Variants in GRID2 observed in about 807,000 individuals in gnomAD.
The protein encoded by GRID2 is glutamate receptor ionotropic, delta-2.
A neutral mutation model predicts 114.8 loss-of-function variants in GRID2; 33 were observed. That is an observed-to-expected ratio of 0.29 (90% CI 0.22 to 0.38). The LOEUF (loss-of-function observed/expected upper bound fraction) is 0.38, where lower values mean the gene tolerates loss of function less well. Ranked by LOEUF, GRID2 falls within the 10% of genes least tolerant of loss-of-function variation. The pLI is 1.00. For synonymous variants in GRID2, 505 were observed against 449.9 expected, an observed-to-expected ratio of 1.12 and a Z score of -1.55; for missense variants, 1,184 against 1,257.7, an observed-to-expected ratio of 0.94 and a Z score of 0.89.
chr4:92,549,084 T>C (rs1406760763), intron 1 of GRID2, among the ~76,000 whole-genome samples: 1 of 132,468 alleles, frequency 7.5e-6, no homozygotes, highest in African/African-American at 2.9e-5. Flanking sequence ...GAACTAATGA[T>C]AGATGATGAT....
At chr4:93,243,342 G>A (rs140838995) in intron 8 of GRID2, among the ~76,000 whole-genome samples, 41 of 152,072 alleles carry the variant, frequency 2.7e-4, no homozygotes, top group African/African-American at 9.9e-4. Flanking sequence ...TGCTTTCAAA[G>A]ATACTTATGA....
At chr4:92,616,461 C>A (rs1196229787) in intron 2 of GRID2, among the ~76,000 whole-genome samples, 2 of 151,258 alleles carry the variant, frequency 1.3e-5, no homozygotes, top group Admixed American at 1.3e-4. Flanking sequence ...GGAATGGATG[C>A]CTTCAGGTTT....
At chr4:93,137,495 C>T (rs961899467) in intron 4 of GRID2, among the ~76,000 whole-genome samples, 3 of 152,024 alleles carry the variant, frequency 2.0e-5, no homozygotes, top group Non-Finnish European at 4.4e-5. Context: ...CTGTCAATAT[C>T]ATCTAAGCAG....
chr4:92,994,577 G>A (rs1755089190), intron 2 of GRID2, among the ~76,000 whole-genome samples: 1 of 152,048 alleles, frequency 6.6e-6, no homozygotes, highest in African/African-American at 2.4e-5. Flanking sequence ...GCCTGCCTCG[G>A]CCTCCCAAAG....
At chr4:92,446,312 C>T (rs1733469384) in intron 1 of GRID2, among the ~76,000 whole-genome samples, 2 of 152,168 alleles carry the variant, frequency 1.3e-5, no homozygotes, top group African/African-American at 4.8e-5. Flanking sequence ...GAGACCCTAA[C>T]AAATTGGAGT....
chr4:93,183,242 A>G (rs901930602), intron 4 of GRID2, among the ~76,000 whole-genome samples: 1 of 152,182 alleles, frequency 6.6e-6, no homozygotes, highest in Non-Finnish European at 1.5e-5. Context: ...AAATTTTTTA[A>G]AAAACTCTAA....
At chr4:93,768,272 G>A (rs143207233) in intron 14 of GRID2, among the ~76,000 whole-genome samples, 49 of 152,294 alleles carry the variant, frequency 3.2e-4, no homozygotes, top group Admixed American at 5.9e-4. Context: ...CCCAGAGGAC[G>A]ATGCACACTC....
At chr4:93,807,346 C>T (rs1735052907) in exon 2 of GRID2, 1 of 152,224 alleles carries the variant, frequency 6.6e-6, no homozygotes, top group Non-Finnish European at 1.5e-5. Context: ...ACAGACGGCT[C>T]TTCTAATGCT....
At chr4:93,242,633 T>C (rs1747676966) in intron 8 of GRID2, among the ~76,000 whole-genome samples, 1 of 151,958 alleles carries the variant, frequency 6.6e-6, no homozygotes, top group Non-Finnish European at 1.5e-5. Flanking sequence ...GGTTAGTGTG[T>C]GTTCAGCACA....
intron 2 of GRID2, among the ~76,000 whole-genome samples, chr4:92,990,198 CTGTGTGTGTGTGTGTGTGTGTGTG>C (rs3970985): frequency 1.4e-4 from 17 of 124,802 alleles, no homozygotes; most frequent in African/African-American, 3.1e-4. Context: ...TTAACATTTT[CTGTGTGTGTGTGTGTGTGTGTGTG>C]TGTGTGTGTG....
chr4:92,599,444 A>C (rs540527313), intron 2 of GRID2, among the ~76,000 whole-genome samples: 1 of 152,314 alleles, frequency 6.6e-6, no homozygotes, highest in Non-Finnish European at 1.5e-5. Flanking sequence ...ATCTGACATG[A>C]TTGTTTAAAA....
chr4:92,476,697 C>T (rs4380488), intron 1 of GRID2, among the ~76,000 whole-genome samples: 8 of 152,160 alleles, frequency 5.3e-5, no homozygotes, highest in Middle Eastern at 3.4e-3. Flanking sequence ...GTATGTTTTT[C>T]TAAATAACAT....
intron 1 of GRID2, among the ~76,000 whole-genome samples, chr4:92,331,085 T>C (rs749088515): frequency 2.0e-5 from 3 of 152,160 alleles, no homozygotes; most frequent in Non-Finnish European, 4.4e-5. Flanking sequence ...TCATAGGAGA[T>C]TGAGATGTAT....
chr4:93,742,492 T>C (rs1400730693), intron 14 of GRID2, among the ~76,000 whole-genome samples: 1 of 152,248 alleles, frequency 6.6e-6, no homozygotes, highest in African/African-American at 2.4e-5. Flanking sequence ...TGCTTTATTG[T>C]GTTTACAAAT....
chr4:92,790,122 G>T (rs1739508826), intron 2 of GRID2, among the ~76,000 whole-genome samples: 1 of 151,708 alleles, frequency 6.6e-6, no homozygotes, highest in Admixed American at 6.6e-5. Context: ...GCGTATGCGT[G>T]TATACATATA....
intron 2 of GRID2, among the ~76,000 whole-genome samples, chr4:92,984,113 A>C (rs192749379): frequency 3.9e-5 from 6 of 152,228 alleles, no homozygotes. Flanking sequence ...ATTTTTCATA[A>C]TGAACCAAAA....
chr4:93,264,926 G>T (rs1414204911), intron 8 of GRID2, among the ~76,000 whole-genome samples: 2 of 151,376 alleles, frequency 1.3e-5, no homozygotes, highest in African/African-American at 4.9e-5. Context: ...GGGACTACAG[G>T]TGCCCGCCAC....
At chr4:93,553,826 A>C (rs1048903392) in intron 13 of GRID2, among the ~76,000 whole-genome samples, 8 of 152,174 alleles carry the variant, frequency 5.3e-5, no homozygotes, top group Non-Finnish European at 1.2e-4. Flanking sequence ...AATTTTTACT[A>C]TCTATGTTTC....
rs911435473 is a variant in GRID2, at chr4:93,664,354, G to A, written c.2360+37919G>A. 4.6e-5 allele frequency among the ~76,000 whole-genome samples: 7 copies of A among 152,212 alleles called. 1 individual carries two copies. The highest frequency in any genetic ancestry group is 2.6e-4 in the Admixed American group (4 of 15,274). On this transcript the variant is annotated intron_variant, in intron 14 of 15. Transcript: ENST00000282020. The stretch of plus-strand genomic sequence containing the variant: ...AGCAGAGAAATGGTGCTATCTGAAT[G>A]AAGGTTTAAAAGGATCACAGCAGAT...
Sources: allele counts gnomAD v4.1 joint callset (sites outside exome capture counted in the v4.1 genomes callset), GRCh38; gene constraint gnomAD v4.1.1; transcripts MANE v1.5; gene names NCBI Gene and HGNC (gene_info 2026-07-23, HGNC 2026-07-21).